DPYD: variants seen among roughly 807,000 people sequenced by gnomAD.
The protein encoded by DPYD is dihydropyrimidine dehydrogenase.
Under a neutral mutation model 116.2 loss-of-function variants are expected in DPYD, and 109 were observed. The observed-to-expected ratio is 0.94, with a 90% CI of 0.80 to 1.10. DPYD has a LOEUF of 1.10. Among genes scored for constraint, DPYD ranks in the 50% least tolerant of loss-of-function variants. DPYD has a pLI of 0.00. For missense variants in DPYD, 1,302 were observed against 1,254.5 expected (o/e 1.04, Z -0.57); for synonymous variants, 440 against 432.0 (o/e 1.02, Z -0.23).
chr1:97,465,805 G>T (rs970171485), intron 13 of DPYD, among the ~76,000 whole-genome samples: 1 of 152,170 alleles, frequency 6.6e-6, no homozygotes, highest in Admixed American at 6.5e-5. Context: ...GCTGTAGCTC[G>T]ATTATCTTGG....
In DPYD at chr1:97,721,510, C is replaced by T; in HGVS notation, c.483G>A (p.Glu161=). The change falls in exon 5 of 23, where the codon GAG becomes GAA. Residue 161 remains glutamate, a splice_region_variant and synonymous_variant. Transcript: ENST00000370192. ...NIGGLQQFAT[E]VFKAMSIPQI... ...GATGTCACGTGTATATCATACATAC[C>T]TCAGTAGCAAATTGCTGCAATCCAC... is the stretch of plus-strand genomic sequence containing the variant. 2.5e-6 allele frequency: 4 copies of T among 1,610,904 alleles called. No homozygotes were observed. Among genetic ancestry groups the T allele is most frequent in the Non-Finnish European group, 3.4e-6 (4 of 1,177,892 alleles).
chr1:97,699,867 G>C (rs1465263918), intron 5 of DPYD, among the ~76,000 whole-genome samples: 1 of 151,908 alleles, frequency 6.6e-6, no homozygotes, highest in Non-Finnish European at 1.5e-5. Flanking sequence ...ATAACCATCT[G>C]TGGTATGTGT....
chr1:97,111,464 C>G (rs1406312145), intron 20 of DPYD, among the ~76,000 whole-genome samples: 2 of 151,806 alleles, frequency 1.3e-5, no homozygotes, highest in African/African-American at 4.8e-5. Flanking sequence ...GATCATATGA[C>G]CTTAGGGCCT....
chr1:97,192,240 T>C (rs1043357815), intron 20 of DPYD, among the ~76,000 whole-genome samples: 4 of 152,084 alleles, frequency 2.6e-5, no homozygotes. Flanking sequence ...CAAGGCAGAG[T>C]ACCCAGGGCT....
chr1:97,867,015 C>A (rs1671416990), intron 2 of DPYD, among the ~76,000 whole-genome samples: 1 of 151,608 alleles, frequency 6.6e-6, no homozygotes, highest in African/African-American at 2.4e-5. Flanking sequence ...AAAACATAAT[C>A]TATTTTAGGT....
intron 8 of DPYD, 104 bp downstream of exon 8, chr1:97,678,991 T>C (rs1163358332): frequency 1.9e-6 from 1 of 524,428 alleles, no homozygotes; most frequent in Non-Finnish European, 3.3e-6. Flanking sequence ...TGAACAAATA[T>C]AACTTTCATC....
chr1:97,273,099 A>C (rs1260183054), intron 18 of DPYD, among the ~76,000 whole-genome samples: 1 of 152,180 alleles, frequency 6.6e-6, no homozygotes. Context: ...GTTTCCTTTC[A>C]TTAAATGCCA....
At chr1:97,738,709 G>A (rs1664096688) in intron 4 of DPYD, among the ~76,000 whole-genome samples, 1 of 149,894 alleles carries the variant, frequency 6.7e-6, no homozygotes, top group Non-Finnish European at 1.5e-5. Flanking sequence ...TTTTTTTGAG[G>A]TTTGACAACA....
At chr1:97,586,465 C>CATACATAT (rs1557818669) in intron 10 of DPYD, among the ~76,000 whole-genome samples, 1 of 34,310 alleles carries the variant, frequency 2.9e-5, no homozygotes, top group East Asian at 1.2e-3. Flanking sequence ...TACATACATA[C>CATACATAT]ATATATATAT....
At chr1:97,917,288 A>G (rs1438027926) in intron 1 of DPYD, among the ~76,000 whole-genome samples, 2 of 152,104 alleles carry the variant, frequency 1.3e-5, no homozygotes, top group Non-Finnish European at 2.9e-5. Context: ...TGGATCCATG[A>G]TTCTCCTTCC....
chr1:97,390,626 C>A (rs1305393500), intron 14 of DPYD, among the ~76,000 whole-genome samples: 1 of 151,808 alleles, frequency 6.6e-6, no homozygotes, highest in East Asian at 1.9e-4. Context: ...TACAAGTTGT[C>A]TTTTAAAATT....
chr1:97,734,356 T>C (rs1663803754), intron 4 of DPYD, among the ~76,000 whole-genome samples: 1 of 152,158 alleles, frequency 6.6e-6, no homozygotes, highest in Non-Finnish European at 1.5e-5. Flanking sequence ...ATTTACTTGG[T>C]TCTATTTATA....
intron 11 of DPYD, among the ~76,000 whole-genome samples, chr1:97,568,634 T>C (rs555569200): frequency 6.6e-6 from 1 of 152,174 alleles, no homozygotes; most frequent in East Asian, 1.9e-4. Context: ...AATACAACAA[T>C]TTATGCCACA....
chr1:97,868,086 C>G (rs1384120205), intron 2 of DPYD, among the ~76,000 whole-genome samples: 2 of 142,450 alleles, frequency 1.4e-5, no homozygotes, highest in African/African-American at 5.1e-5. Context: ...ATAAACCACC[C>G]AAAAAAAAAA....
chr1:97,318,213 C>A (rs1570503932), intron 16 of DPYD, among the ~76,000 whole-genome samples: 1 of 143,800 alleles, frequency 7.0e-6, no homozygotes, highest in South Asian at 2.4e-4. Context: ...ATGACAGGAT[C>A]AAATTCACAC....
At chr1:97,813,109 T>C (rs1182518391) in intron 3 of DPYD, among the ~76,000 whole-genome samples, 1 of 152,158 alleles carries the variant, frequency 6.6e-6, no homozygotes, top group Non-Finnish European at 1.5e-5. Flanking sequence ...TCGAACTGGC[T>C]ACCCAATGTA....
chr1:97,383,231 C>G (rs1317211523), intron 14 of DPYD, among the ~76,000 whole-genome samples: 1 of 152,014 alleles, frequency 6.6e-6, no homozygotes, highest in Non-Finnish European at 1.5e-5. Context: ...AATCCCAATA[C>G]TTTGGGAGGC....
intron 14 of DPYD, among the ~76,000 whole-genome samples, chr1:97,436,007 A>C (rs552024114): frequency 1.3e-5 from 2 of 152,160 alleles, no homozygotes; most frequent in South Asian, 4.1e-4. Context: ...CTCTCATAAA[A>C]CAGTTGTGCA....
chr1:97,403,199 ATTG>A (rs1673465923), intron 14 of DPYD, among the ~76,000 whole-genome samples: 1 of 152,044 alleles, frequency 6.6e-6, no homozygotes, highest in African/African-American at 2.4e-5. Context: ...AACTGAAAAT[ATTG>A]TTAAGTCAAA....
Sources: allele counts gnomAD v4.1 joint callset (sites outside exome capture counted in the v4.1 genomes callset), GRCh38; gene constraint gnomAD v4.1.1; transcripts MANE v1.5; gene names NCBI Gene and HGNC (gene_info 2026-07-23, HGNC 2026-07-21).